Variants in MON2 observed in about 807,000 individuals in gnomAD.
MON2 encodes the protein MON2 regulator of endosome-to-Golgi trafficking.
Under a neutral mutation model 208.6 loss-of-function variants are expected in MON2, and 84 were observed. That is an observed-to-expected ratio of 0.40 (90% confidence interval 0.34 to 0.48). The LOEUF (loss-of-function observed/expected upper bound fraction) is 0.48. MON2 is among the 20% of genes least tolerant of loss of function. The pLI is 0.59. For synonymous variants in MON2, 660 were observed against 694.0 expected (o/e 0.95, Z 0.77); for missense variants, 1,611 against 2,015.4 (o/e 0.80, Z 3.84).
intron 26 of MON2, among the ~76,000 whole-genome samples, chr12:62,564,073 T>TCA: frequency 6.6e-6 from 1 of 152,238 alleles, no homozygotes; most frequent in Non-Finnish European, 1.5e-5. Context: ...ATTAGATGTC[T>TCA]TTTTACTACT....
At chr12:62,494,341 G>A (rs546306056) in intron 3 of MON2, among the ~76,000 whole-genome samples, 2 of 152,204 alleles carry the variant, frequency 1.3e-5, no homozygotes, top group East Asian at 3.9e-4. Context: ...TATAAAAAGA[G>A]GAGGGAAGAG....
In MON2 at chr12:62,515,027, C is replaced by A. The variant is rs542962035; in HGVS notation, c.984+6547C>A. 3.3e-5 allele frequency among the ~76,000 whole-genome samples: 5 copies of A among 152,240 alleles called. No homozygotes were observed. In the South Asian group the frequency reaches 1.0e-3, roughly 32 times the overall value. On this transcript the variant is annotated intron_variant, in intron 8 of 34. Transcript: ENST00000393630. The stretch of plus-strand genomic sequence containing the variant: ...TGTGGAGAAAATTGGAACCCTTGTG[C>A]ACTGTTGGTGGGAATATAAAATGGT...
chr12:62,528,194 G>A (rs1227293621), intron 11 of MON2, among the ~76,000 whole-genome samples: 1 of 152,098 alleles, frequency 6.6e-6, no homozygotes, highest in Non-Finnish European at 1.5e-5. Flanking sequence ...GAGCTTAACT[G>A]TTGAATTGGC....
In MON2 at chr12:62,467,155, C is replaced by T. The variant is rs2068554787; in HGVS notation, c.-53C>T. ...CTGCCTGTGGCCCTAAGGAGCTGACCGTGCCAGAGCTTGTTTGTACCTCTC... is the reference window on the plus strand; with the variant it reads ...CTGCCTGTGGCCCTAAGGAGCTGACTGTGCCAGAGCTTGTTTGTACCTCTC... On this transcript the variant is annotated 5_prime_UTR_variant, in exon 1 of 35. Transcript: ENST00000393630. 6 of 1,494,188 alleles carry T rather than the reference C, an allele frequency of 4.0e-6. No individual in the cohort carries two copies. The highest frequency in any genetic ancestry group is 4.6e-6 in the Non-Finnish European group (5 of 1,084,206). 92.6% of individuals were successfully genotyped at this position (1,494,188 alleles called of 1,614,324 possible).
chr12:62,508,755 A>T, intron 8 of MON2: 1 of 343,266 alleles, frequency 2.9e-6, no homozygotes, highest in Non-Finnish European at 5.3e-6. Context: ...TTCTTAGCTA[A>T]TTGTCTGTAT....
Position 62,553,068 on chromosome 12 carries a change from A to G in MON2, c.3104A>G (p.Asp1035Gly). 6.2e-7 allele frequency: 1 copy of G among 1,614,090 alleles called. No homozygotes were observed. The highest frequency in any genetic ancestry group is 8.5e-7 in the Non-Finnish European group (1 of 1,180,010). Residue 1035 changes from aspartate to glycine, a missense_variant, in exon 24 of 35, where the codon GAT (aspartate) becomes GGT (glycine). Asp to Gly is a moderately conservative substitution (Grantham distance 94, BLOSUM62 -1). Transcript: ENST00000393630. ...GCAAAATTGGGTGAACTATGTGTGG[A>G]TCCCCGTCCTGCTGTCAGGAAGAGT... is the stretch of plus-strand genomic sequence containing the variant. ...LYAKLGELCV[D>G]PRPAVRKSAG...
At chr12:62,507,454 C>T (rs537611752) in intron 7 of MON2, among the ~76,000 whole-genome samples, 1 of 151,764 alleles carries the variant, frequency 6.6e-6, no homozygotes, top group East Asian at 2.0e-4. Context: ...GTAGCTGGGA[C>T]CGCAGGAGGC....
In MON2 at chr12:62,543,691, G is replaced by A. The variant is rs149533360; in HGVS notation, c.2466+493G>A. Reference sequence around the variant, plus strand: ...GGTGAGGTCTCGCCTCACTGCAACCGCCGCCTCTCAGGTTCAGGCAATTCT... The same window carrying A: ...GGTGAGGTCTCGCCTCACTGCAACCACCGCCTCTCAGGTTCAGGCAATTCT... On this transcript the variant is annotated intron_variant, in intron 20 of 34. Transcript: ENST00000393630. Among the ~76,000 whole-genome samples the A allele has an allele frequency of 6.6e-4, 100 of 151,766 alleles. 2 individuals carry two copies. The East Asian group carries it at 0.012, about 19-fold the overall frequency.
At chr12:62,571,998 A>G (rs1199878038) in intron 30 of MON2, among the ~76,000 whole-genome samples, 1 of 152,252 alleles carries the variant, frequency 6.6e-6, no homozygotes, top group Non-Finnish European at 1.5e-5. Flanking sequence ...TTTGTCAAAG[A>G]TTAACAATTT....
At chr12:62,581,954 C>A (rs2075022658) in intron 32 of MON2, among the ~76,000 whole-genome samples, 1 of 152,154 alleles carries the variant, frequency 6.6e-6, no homozygotes, top group Non-Finnish European at 1.5e-5. Context: ...TTTATGTGTA[C>A]AGTTTGACCA....
At position 62,543,101 on chromosome 12, in the gene MON2, C is replaced by T; in HGVS notation, c.2369C>T (p.Pro790Leu). Residue 790 changes from proline (P) to leucine (L), a missense_variant, in exon 20 of 35, where the codon CCA becomes CTA. By Grantham distance (98) the Pro-to-Leu change is moderately conservative. Coordinates refer to ENST00000393630, the MANE Select transcript of MON2 (RefSeq NM_015026.3). ...TACAATGTATTTTCTCCCTAGGAACCATCTCTTTTTGCTGTTGCCAAATTG... is the reference window on the plus strand; with the variant it reads ...TACAATGTATTTTCTCCCTAGGAACTATCTCTTTTTGCTGTTGCCAAATTG... Reference protein sequence around the residue: ...MDMAYGNNKEPSLFAVAKLLE... With the variant: ...MDMAYGNNKELSLFAVAKLLE... 6.5e-7 allele frequency: 1 copy of T among 1,542,574 alleles called. No homozygotes were observed. Among genetic ancestry groups the T allele is most frequent in the Non-Finnish European group, 8.8e-7 (1 of 1,139,184 alleles).
chr12:62,471,295 G>A (rs570802871), intron 1 of MON2, among the ~76,000 whole-genome samples: 6 of 152,254 alleles, frequency 3.9e-5, no homozygotes, highest in South Asian at 2.1e-4. Context: ...TGATTTTCCC[G>A]CCTCAGCCTC....
intron 1 of MON2, chr12:62,470,896 G>A: frequency 3.8e-6 from 1 of 263,666 alleles, no homozygotes; most frequent in Non-Finnish European, 6.0e-6. Flanking sequence ...ACAGTTGGTA[G>A]GAAGAATTAG....
chr12:62,481,458 G>A (rs1211376870), intron 1 of MON2, among the ~76,000 whole-genome samples: 8 of 150,344 alleles, frequency 5.3e-5, no homozygotes, highest in Admixed American at 4.7e-4. Flanking sequence ...CCCGGGAGGC[G>A]GAGCTTGCAG....
intron 23 of MON2, among the ~76,000 whole-genome samples, chr12:62,550,909 C>CTTTTTT (rs869160726): frequency 5.7e-4 from 25 of 43,810 alleles, no homozygotes; most frequent in East Asian, 1.3e-3. Context: ...TTCTTTCTTT[C>CTTTTTT]TTTTTTTTTT....
At position 62,593,986 on chromosome 12, in the gene MON2, A is replaced by G. The variant is rs188010179; in HGVS notation, c.*1237A>G. The G allele has an allele frequency of 2.0e-5, 3 of 152,304 alleles. No homozygotes were observed. The allele number at this position is 152,304 out of a possible 1,614,324, so 9.4% of individuals were successfully genotyped here. ...ACTTTCCTAGCCTAGTGAAAAAGAA[A>G]AGTGCTCTTGAGTACAATACCTTAA... is the stretch of plus-strand genomic sequence containing the variant. On this transcript the variant is annotated 3_prime_UTR_variant, in exon 35 of 35. Coordinates refer to ENST00000393630, the MANE Select transcript of MON2 (RefSeq NM_015026.3).
chr12:62,518,422 A>G (rs976715535), intron 8 of MON2, among the ~76,000 whole-genome samples: 4 of 152,220 alleles, frequency 2.6e-5, no homozygotes, highest in African/African-American at 9.7e-5. Flanking sequence ...GCCTGAGATG[A>G]TGCAGTTTAT....
At chr12:62,512,303 C>T (rs1304292159) in intron 8 of MON2, among the ~76,000 whole-genome samples, 1 of 152,190 alleles carries the variant, frequency 6.6e-6, no homozygotes, top group East Asian at 1.9e-4. Flanking sequence ...TCTCTTCTGC[C>T]TATGAGCCTG....
At chr12:62,508,508 T>C in intron 8 of MON2, 28 bp downstream of exon 8, 1 of 1,588,316 alleles carries the variant, frequency 6.3e-7, no homozygotes. Context: ...TATGTATTTG[T>C]GTATATAGTT....
Sources: gnomAD v4.1 joint callset for allele counts (sites outside exome capture counted in the v4.1 genomes callset) on GRCh38, gnomAD v4.1.1 for gene constraint, MANE v1.5 for transcripts, NCBI Gene and HGNC (gene_info 2026-07-23, HGNC 2026-07-21) for gene names.